The following PPIL2 variants were observed in gnomAD, a reference collection of about 807,000 sequenced individuals.
The protein encoded by PPIL2 is RING-type E3 ubiquitin-protein ligase PPIL2.
In PPIL2, 50 loss-of-function variants were observed where a neutral mutation model predicts 75.2. The ratio of observed to expected loss-of-function variants is 0.66; its 90% CI spans 0.53 to 0.84. The LOEUF (loss-of-function observed/expected upper bound fraction) is 0.84. Ranked by LOEUF, PPIL2 falls within the 40% of genes least tolerant of loss-of-function variation. The pLI is 0.00. For missense variants in PPIL2, 590 were observed against 685.0 expected (o/e 0.86, Z 1.55); for synonymous variants, 245 against 258.8 (o/e 0.95, Z 0.51).
intron 1 of PPIL2, among the ~76,000 whole-genome samples, chr22:21,668,100 T>A (rs1489343700): frequency 6.6e-6 from 1 of 151,840 alleles, no homozygotes; most frequent in Non-Finnish European, 1.5e-5. Context: ...TTAATATGCC[T>A]TAAACAGAAC....
chr22:21,688,941 G>T, intron 15 of PPIL2, 92 bp downstream of exon 15: 1 of 1,210,526 alleles, frequency 8.3e-7, no homozygotes, highest in South Asian at 1.3e-5. Context: ...GGGTGTGCTG[G>T]TTCTGAATCA....
Position 21,670,245 on chromosome 22 carries a change from A to T in PPIL2, c.82+283A>T. On this transcript the variant is annotated intron_variant, in intron 2 of 19. Coordinates refer to ENST00000398831, the MANE Select transcript of PPIL2 (RefSeq NM_014337.4). ...AATACAAAATTACATGTACATTTAA[A>T]TGTTTTTTCTCTATCAAGTTTATAA... The T allele has an allele frequency of 2.5e-6, 3 of 1,218,738 alleles. No homozygotes were observed. In the South Asian group the frequency reaches 4.5e-5, roughly 18 times the overall value. The allele number at this position is 1,218,738 out of a possible 1,614,324, so 75.5% of individuals were successfully genotyped here. A position where few individuals can be genotyped will look rare whatever the true frequency, so the allele number is the denominator to read the frequency against.
intron 4 of PPIL2, 68 bp downstream of exon 4, chr22:21,671,127 C>G (rs1382081202): frequency 1.4e-6 from 2 of 1,432,924 alleles, no homozygotes; most frequent in East Asian, 4.5e-5. Flanking sequence ...GAAGGGGACC[C>G]TTGGTACCCT....
chr22:21,687,827 A>G (rs2067439113), intron 13 of PPIL2, 95 bp downstream of exon 13: 4 of 1,291,994 alleles, frequency 3.1e-6, no homozygotes, highest in Non-Finnish European at 3.3e-6. Flanking sequence ...GCCCTGGCCC[A>G]TCCCACGGTG....
intron 1 of PPIL2, chr22:21,669,467 A>G: frequency 2.5e-6 from 1 of 398,988 alleles, no homozygotes; most frequent in South Asian, 1.8e-5. Flanking sequence ...TGTTGTGTTT[A>G]TCACTGTGTG....
chr22:21,686,905 G>A lies in PPIL2; in HGVS notation c.804G>A (p.Glu268=), dbSNP rs138894414. Residue 268 remains glutamate, a synonymous_variant, in exon 12 of 20, where the codon GAG becomes GAA. Coordinates refer to ENST00000398831, the MANE Select transcript of PPIL2 (RefSeq NM_014337.4). ...CTTGGCTTGTAGCTGCCATCGACGA[G>A]GATGTGCTGCGCTACCAGTTTGTGA... ...ETTHEAAAID[E]DVLRYQFVKK... The A allele has an allele frequency of 5.6e-6, 9 of 1,613,956 alleles. No individual in the cohort carries two copies. Among genetic ancestry groups the A allele is most frequent in the African/African-American group, 4.0e-5 (3 of 74,938 alleles).
Position 21,670,653 on chromosome 22 carries a change from C to G in PPIL2, c.128+42C>G, listed in dbSNP as rs1321398590. The G allele has an allele frequency of 1.9e-6, 3 of 1,550,986 alleles. No individual in the cohort carries two copies. The African/African-American group carries it at 4.1e-5, about 21-fold the overall frequency. On this transcript the variant is annotated intron_variant, in intron 3 of 19. Transcript: ENST00000398831. ...TTTACCTTTCCCTTGTAATTGTTCT[C>G]TGATCCTGTCTGATAGTGAATCTGC...
intron 6 of PPIL2, among the ~76,000 whole-genome samples, chr22:21,676,209 C>T (rs2066835077): frequency 6.9e-6 from 1 of 145,448 alleles, no homozygotes; most frequent in African/African-American, 2.6e-5. Flanking sequence ...ACCCTGGTGG[C>T]CGAGGGTGGG....
intron 6 of PPIL2, 38 bp from the exon 7 acceptor site, chr22:21,681,261 A>G (rs770218232): frequency 3.9e-6 from 6 of 1,530,852 alleles, no homozygotes; most frequent in Middle Eastern, 1.7e-4. Flanking sequence ...CACAGCCCAC[A>G]GAGGTGACTG....
Position 21,693,833 on chromosome 22 carries a change from C to T in PPIL2, c.1157C>T (p.Ser386Phe). Residue 386 changes from serine (S) to phenylalanine (F), a missense_variant, in exon 16 of 20, where the codon TCC becomes TTC. Transcript: ENST00000398831. ...CTCCCCAGCTTCATCACGTTTCGCT[C>T]CTGTGCCTACCTGGACAAGAAGCAT... ...NRSQFFITFR[S>F]CAYLDKKHTI... The T allele has an allele frequency of 6.5e-7, 1 of 1,545,344 alleles. No individual in the cohort carries two copies. The highest frequency in any genetic ancestry group is 8.9e-7 in the Non-Finnish European group (1 of 1,117,444).
chr22:21,681,369 C>G lies in PPIL2; in HGVS notation c.366C>G (p.Thr122=). The change falls in exon 7 of 20, where the codon ACC becomes ACG. Residue 122 remains threonine (T), a synonymous_variant. Transcript: ENST00000398831. The part of the protein sequence containing the change: ...NNTHIVAVRT[T]GNVYAYEAVE... The stretch of plus-strand genomic sequence containing the variant: ...CCCACATCGTGGCTGTGAGGACGAC[C>G]GGCAACGTCTACGCCTATGAGGTGT... 2.5e-6 allele frequency: 4 copies of G among 1,613,888 alleles called. No individual in the cohort carries two copies. Among genetic ancestry groups the G allele is most frequent in the Non-Finnish European group, 3.4e-6 (4 of 1,179,746 alleles).
intron 1 of PPIL2, 58 bp downstream of exon 1, chr22:21,666,189 C>G: frequency 6.5e-7 from 1 of 1,548,864 alleles, no homozygotes; most frequent in Non-Finnish European, 8.8e-7. Flanking sequence ...ACCGCCTGTC[C>G]CGCACTGCGC....
chr22:21,696,418 C>T lies in PPIL2; in HGVS notation c.*928C>T, dbSNP rs1305719108. On this transcript the variant is annotated 3_prime_UTR_variant, in exon 20 of 20. Coordinates refer to ENST00000398831, the MANE Select transcript of PPIL2 (RefSeq NM_014337.4). ...GAAGTGGCCTTGCTGCTCTCAGGCC[C>T]GGCCACTGGGCTCCAAGACTCTGCT... The T allele has an allele frequency of 1.7e-5, 20 of 1,176,762 alleles. No individual in the cohort carries two copies. Among genetic ancestry groups the T allele is most frequent in the Admixed American group, 8.6e-5 (2 of 23,168 alleles). The allele number at this position is 1,176,762 out of a possible 1,614,324, so 72.9% of individuals were successfully genotyped here. A position where few individuals can be genotyped will look rare whatever the true frequency, so the allele number is the denominator to read the frequency against.
chr22:21,681,053 G>A (rs962434453), intron 6 of PPIL2, among the ~76,000 whole-genome samples: 9 of 152,248 alleles, frequency 5.9e-5, no homozygotes, highest in Middle Eastern at 3.4e-3. Context: ...TGGGCTGGAG[G>A]ATCTGAGGAA....
intron 12 of PPIL2, 69 bp from the exon 13 acceptor site, chr22:21,687,574 C>T: frequency 4.3e-6 from 3 of 700,782 alleles, no homozygotes; most frequent in Non-Finnish European, 6.7e-6. Flanking sequence ...AAAAAAAAGC[C>T]TCCTGTGGCT....
intron 15 of PPIL2, 50 bp from the exon 16 acceptor site, chr22:21,693,766 A>G: frequency 6.6e-7 from 1 of 1,513,254 alleles, no homozygotes; most frequent in Non-Finnish European, 9.2e-7. Context: ...TAGGCAGGCC[A>G]GGTGCAGAAG....
chr22:21,681,219 C>A (rs2067116467), intron 6 of PPIL2, 80 bp from the exon 7 acceptor site: 1 of 1,191,706 alleles, frequency 8.4e-7, no homozygotes, highest in Non-Finnish European at 1.3e-6. Flanking sequence ...TTCTGTCCTG[C>A]CCTGGCCCTC....
In PPIL2 at chr22:21,686,562, GCCA is replaced by G; in HGVS notation, c.790+7_790+9del. ...CCGGAGACCACACATGAAGCAGGTA[GCCA>G]CCTTGGCCTCTGTAGCCACCTGCCA... On this transcript the variant is annotated splice_donor_5th_base_variant and intron_variant, in intron 11 of 19. Transcript: ENST00000398831. 6.2e-7 allele frequency: 1 copy of G among 1,613,788 alleles called. No individual in the cohort carries two copies. Among genetic ancestry groups the G allele is most frequent in the East Asian group, 2.2e-5 (1 of 44,874 alleles).
rs185629813 is a variant in PPIL2 at position 21,696,728 on chromosome 22, C to T, written c.*1238C>T. On this transcript the variant is annotated 3_prime_UTR_variant, in exon 20 of 20. Coordinates refer to ENST00000398831, the MANE Select transcript of PPIL2 (RefSeq NM_014337.4). The stretch of plus-strand genomic sequence containing the variant: ...CTTGGTTTTCTCATTTTTGTTGCCC[C>T]AAATCTTGAACCTGTCAGCAACTTG... 22 of 1,537,850 alleles carry T rather than the reference C, an allele frequency of 1.4e-5. No individual in the cohort carries two copies. The highest frequency in any genetic ancestry group is 1.9e-5 in the Non-Finnish European group (22 of 1,146,554).
Sources: gnomAD v4.1 joint callset for allele counts (sites outside exome capture counted in the v4.1 genomes callset) on GRCh38, gnomAD v4.1.1 for gene constraint, MANE v1.5 for transcripts, NCBI Gene and HGNC (gene_info 2026-07-23, HGNC 2026-07-21) for gene names.